PAQR5: variants seen among roughly 807,000 people sequenced by gnomAD.
PAQR5 encodes membrane progestin receptor gamma.
Under a neutral mutation model 34.5 loss-of-function variants are expected in PAQR5, and 20 were observed. The ratio of observed to expected loss-of-function variants is 0.58; its 90% CI spans 0.41 to 0.84. PAQR5 has a LOEUF of 0.84. PAQR5 is among the 40% of genes least tolerant of loss of function. PAQR5 has a pLI of 0.00. For missense variants in PAQR5, 378 were observed against 412.7 expected, an observed-to-expected ratio of 0.92 and a Z score of 0.73; for synonymous variants, 131 against 155.6, an observed-to-expected ratio of 0.84 and a Z score of 1.18.
At chr15:69,387,808 C>T (rs1407769589) in intron 5 of PAQR5, among the ~76,000 whole-genome samples, 1 of 152,158 alleles carries the variant, frequency 6.6e-6, no homozygotes, top group African/African-American at 2.4e-5. Context: ...CTCCCATAGG[C>T]CATTCCCCAG....
At chr15:69,360,272 G>A in intron 3 of PAQR5, 141 bp downstream of exon 3, 1 of 572,778 alleles carries the variant, frequency 1.7e-6, no homozygotes, top group Admixed American at 3.0e-5. Flanking sequence ...ACTTCCTTGG[G>A]GGATATTACA....
intron 1 of PAQR5, among the ~76,000 whole-genome samples, chr15:69,325,198 C>A (rs1328394537): frequency 1.3e-5 from 2 of 152,152 alleles, no homozygotes; most frequent in Non-Finnish European, 2.9e-5. Context: ...CGCGCCTGGC[C>A]CCAAGCTTCA....
intron 2 of PAQR5, among the ~76,000 whole-genome samples, chr15:69,346,648 A>ATTTTTTTTTT (rs2054782007): frequency 6.9e-6 from 1 of 145,114 alleles, no homozygotes. Flanking sequence ...TGAGTACACA[A>ATTTTTTTTTT]TTTTACTCTG....
chr15:69,369,780 C>T (rs558478838), intron 3 of PAQR5, among the ~76,000 whole-genome samples: 5 of 148,028 alleles, frequency 3.4e-5, no homozygotes, highest in South Asian at 2.1e-4. Flanking sequence ...CTTTCCTTAT[C>T]GTCCTCTTCT....
In PAQR5 at chr15:69,379,976, ACT is replaced by A. The variant is rs1189066589; in HGVS notation, c.149_150del (p.Leu50GlnfsTer28). 3 of 1,613,850 alleles carry A rather than the reference ACT, an allele frequency of 1.9e-6. No homozygotes were observed. In the East Asian group the frequency reaches 6.7e-5, roughly 36 times the overall value. The part of the protein sequence containing the change: ...ILSLFQMTNE[T>X]LNIWTHLLPF... ...CAGCCTTTTCCAAATGACCAATGAG[ACT>A]CTCAACATTTGGACTCACTTGCTGC... On this transcript the variant is annotated frameshift_variant, in exon 4 of 9. Coordinates refer to ENST00000395407, the MANE Select transcript of PAQR5 (RefSeq NM_017705.4). LOFTEE classifies it high-confidence loss of function.
At chr15:69,340,153 A>G (rs1005392893) in intron 2 of PAQR5, among the ~76,000 whole-genome samples, 4 of 150,714 alleles carry the variant, frequency 2.7e-5, no homozygotes, top group Non-Finnish European at 4.4e-5. Flanking sequence ...GGCATGAGCC[A>G]CCGTGCCCGG....
chr15:69,306,702 C>T (rs2053725731), intron 1 of PAQR5, among the ~76,000 whole-genome samples: 1 of 152,126 alleles, frequency 6.6e-6, no homozygotes, highest in Non-Finnish European at 1.5e-5. Flanking sequence ...CGCCCCCCGC[C>T]CATTTAACCA....
intron 4 of PAQR5, among the ~76,000 whole-genome samples, chr15:69,382,019 A>G (rs901902543): frequency 1.3e-5 from 2 of 152,286 alleles, no homozygotes; most frequent in Admixed American, 1.3e-4. Flanking sequence ...AGAATTTTGA[A>G]GTGTCTCTGC....
In PAQR5 at chr15:69,360,105, C is replaced by T; in HGVS notation, c.25C>T (p.Leu9=). Residue 9 remains leucine (L), a synonymous_variant, in exon 3 of 9, where the codon CTG becomes TTG. Coordinates refer to ENST00000395407, the MANE Select transcript of PAQR5 (RefSeq NM_017705.4). Reference sequence around the variant, plus strand: ...GATGCTGAGCCTGAAGCTCCCCAGGCTGTTTAGCATAGACCAGATACCCCA... The same window carrying T: ...GATGCTGAGCCTGAAGCTCCCCAGGTTGTTTAGCATAGACCAGATACCCCA... MLSLKLPR[L]FSIDQIPQVF... 6.2e-7 allele frequency: 1 copy of T among 1,613,834 alleles called. No individual in the cohort carries two copies. The highest frequency in any genetic ancestry group is 8.5e-7 in the Non-Finnish European group (1 of 1,179,772).
intron 1 of PAQR5, among the ~76,000 whole-genome samples, chr15:69,334,951 G>A (rs558258266): frequency 5.3e-5 from 8 of 152,206 alleles, no homozygotes; most frequent in East Asian, 2.0e-4. Context: ...GGCTGGGCGC[G>A]GTGGCTCACG....
In PAQR5 at chr15:69,404,591, T is replaced by A. The variant is rs1300633382; in HGVS notation, c.*769T>A. The A allele has an allele frequency of 1.0e-5, 2 of 198,642 alleles. No homozygotes were observed. Among genetic ancestry groups the A allele is most frequent in the South Asian group, 1.9e-4 (1 of 5,272 alleles). The allele number at this position is 198,642 out of a possible 1,614,324, so 12.3% of individuals were successfully genotyped here. On this transcript the variant is annotated 3_prime_UTR_variant, in exon 9 of 9. Coordinates refer to ENST00000395407, the MANE Select transcript of PAQR5 (RefSeq NM_017705.4). ...AGTGCAGGTAAAATGTGTTAAACCA[T>A]AAGAGTTGACTGAGTTAATCCCAAT...
At chr15:69,318,789 A>G (rs2054012852) in intron 1 of PAQR5, among the ~76,000 whole-genome samples, 2 of 152,118 alleles carry the variant, frequency 1.3e-5, no homozygotes, top group South Asian at 2.1e-4. Context: ...AGTAAGGATT[A>G]ACCACCATAA....
chr15:69,383,189 G>T (rs2055959962), intron 4 of PAQR5, among the ~76,000 whole-genome samples: 1 of 152,194 alleles, frequency 6.6e-6, no homozygotes, highest in African/African-American at 2.4e-5. Context: ...AATGGAGACA[G>T]TAGATAGGCG....
chr15:69,379,557 C>T (rs1168945261), intron 3 of PAQR5: 3 of 985,258 alleles, frequency 3.0e-6, no homozygotes, highest in South Asian at 4.7e-5. Context: ...GGGCTGTAGG[C>T]CCCAGGCAGA....
intron 1 of PAQR5, among the ~76,000 whole-genome samples, chr15:69,305,257 G>C (rs965487150): frequency 1.3e-5 from 2 of 152,042 alleles, no homozygotes; most frequent in Admixed American, 6.5e-5. Flanking sequence ...ATGTCCTCTC[G>C]GGGACACTCC....
Position 69,300,590 on chromosome 15 carries a change from CTTCTTTCTTTCTTTCTTTCTTTCTTTCT to C in PAQR5, c.-277+1569_-277+1596del, listed in dbSNP as rs71147600. On this transcript the variant is annotated intron_variant, in intron 1 of 8. Coordinates refer to ENST00000395407, the MANE Select transcript of PAQR5 (RefSeq NM_017705.4). ...TTCTTTCTCTTTCTTTCTTTCTTTC[CTTCTTTCTTTCTTTCTTTCTTTCTTTCT>C]TTCTTTCTTTCTTTCTTTCTTTCTT... 1.9e-4 allele frequency among the ~76,000 whole-genome samples: 8 copies of C among 41,992 alleles called. 2 individuals are homozygous for C. Among genetic ancestry groups the C allele is most frequent in the Non-Finnish European group, 1.7e-4 (3 of 17,396 alleles). The allele number at this position is 41,992 out of a possible 152,430, so 27.5% of individuals were successfully genotyped here.
intron 3 of PAQR5, among the ~76,000 whole-genome samples, chr15:69,376,763 C>A (rs938853823): frequency 3.3e-5 from 5 of 152,180 alleles, no homozygotes; most frequent in Non-Finnish European, 7.4e-5. Flanking sequence ...ATATCCTCCC[C>A]AGGTCTGGGG....
intron 1 of PAQR5, among the ~76,000 whole-genome samples, chr15:69,333,161 A>G (rs978192771): frequency 6.6e-6 from 1 of 152,016 alleles, no homozygotes; most frequent in African/African-American, 2.4e-5. Context: ...CTTAATACAC[A>G]CATGAGAGGC....
chr15:69,300,278 G>A (rs2140490699), intron 1 of PAQR5, among the ~76,000 whole-genome samples: 1 of 152,010 alleles, frequency 6.6e-6, no homozygotes, highest in East Asian at 1.9e-4. Context: ...CTGCAGGAGG[G>A]CAGGGACCTG....
Sources: gnomAD v4.1 joint callset for allele counts (sites outside exome capture counted in the v4.1 genomes callset) on GRCh38, gnomAD v4.1.1 for gene constraint, MANE v1.5 for transcripts, NCBI Gene and HGNC (gene_info 2026-07-23, HGNC 2026-07-21) for gene names.